ELAVL1: variants seen among roughly 807,000 people sequenced by gnomAD.
The protein encoded by ELAVL1 is ELAV-like protein 1.
ELAVL1 carries 1 observed loss-of-function variant against 28.4 expected under a neutral mutation model. The observed-to-expected ratio is 0.04, with a 90% CI of 0.01 to 0.17. The LOEUF (loss-of-function observed/expected upper bound fraction) is 0.17. Among genes scored for constraint, ELAVL1 ranks in the 10% least tolerant of loss-of-function variants. ELAVL1 has a pLI of 1.00. For missense variants in ELAVL1, 157 were observed against 447.2 expected (o/e 0.35, Z 5.85); for synonymous variants, 174 against 183.5 (o/e 0.95, Z 0.42).
chr19:7,959,452 C>CTT lies in ELAVL1; in HGVS notation c.*4030_*4031insAA, dbSNP rs1568304552. ...GGTCAAAGAGGTGGCCCCAAACCAA[C>CTT]GGAAAAGGCTTCTCTTCTGGTGGAA... On this transcript the variant is annotated 3_prime_UTR_variant, in exon 6 of 6. Transcript: ENST00000407627. 14 of 152,496 alleles carry CTT rather than the reference C, an allele frequency of 9.2e-5. No individual in the cohort carries two copies. Among genetic ancestry groups the CTT allele is most frequent in the Non-Finnish European group, 1.8e-4 (12 of 68,016 alleles). 9.4% of individuals were successfully genotyped at this position (152,496 alleles called of 1,614,324 possible). A position where few individuals can be genotyped will look rare whatever the true frequency, so the allele number is the denominator to read the frequency against.
intron 1 of ELAVL1, chr19:8,002,146 G>A: frequency 1.6e-6 from 2 of 1,285,118 alleles, no homozygotes; most frequent in South Asian, 1.2e-5. Flanking sequence ...AAGAACCCAC[G>A]TGGTTCTTTG....
At chr19:7,971,433 G>A (rs1599666648) in intron 4 of ELAVL1, among the ~76,000 whole-genome samples, 1 of 152,202 alleles carries the variant, frequency 6.6e-6, no homozygotes, top group Admixed American at 6.5e-5. Context: ...TGGTTCCCCC[G>A]GCCCTGGGCC....
Position 7,959,325 on chromosome 19 carries a change from T to G in ELAVL1, c.*4158A>C, listed in dbSNP as rs1033876992. Reference sequence around the variant, plus strand: ...AAATCAATAACTTAAAACACACTAATATACAAAAGGTCTAACCATCTACTG... The same window carrying G: ...AAATCAATAACTTAAAACACACTAAGATACAAAAGGTCTAACCATCTACTG... On this transcript the variant is annotated 3_prime_UTR_variant, in exon 6 of 6. Coordinates refer to ENST00000407627, the MANE Select transcript of ELAVL1 (RefSeq NM_001419.3). 6.6e-6 allele frequency: 1 copy of G among 152,486 alleles called. No homozygotes were observed. The highest frequency in any genetic ancestry group is 2.4e-5 in the African/African-American group (1 of 41,406). 9.4% of individuals were successfully genotyped at this position (152,486 alleles called of 1,614,324 possible).
At chr19:8,002,179 C>T in intron 1 of ELAVL1, 1 of 1,238,086 alleles carries the variant, frequency 8.1e-7, no homozygotes, top group Non-Finnish European at 1.1e-6. Context: ...TCTCTGAACA[C>T]TGCGATGTTC....
intron 2 of ELAVL1, among the ~76,000 whole-genome samples, chr19:7,990,582 G>A (rs2145221818): frequency 6.6e-6 from 1 of 151,622 alleles, no homozygotes; most frequent in African/African-American, 2.4e-5. Flanking sequence ...TGCCCAGGCT[G>A]GTCTTGAACT....
chr19:7,986,368 C>G lies in ELAVL1; in HGVS notation c.173-5182G>C, dbSNP rs572241230. The stretch of plus-strand genomic sequence containing the variant: ...GCAAAGGTCTGCAAAAGAAAAGAAA[C>G]AGGCGAAGGACAAGAAGGGTATTTT... On this transcript the variant is annotated intron_variant, in intron 2 of 5. Coordinates refer to ENST00000407627, the MANE Select transcript of ELAVL1 (RefSeq NM_001419.3). Among the ~76,000 whole-genome samples, 7 of 152,314 alleles carry G rather than the reference C, an allele frequency of 4.6e-5. No homozygotes were observed. The South Asian group carries it at 1.2e-3, about 27-fold the overall frequency.
At chr19:7,965,341 G>A (rs776673269) in intron 5 of ELAVL1, among the ~76,000 whole-genome samples, 7 of 152,228 alleles carry the variant, frequency 4.6e-5, no homozygotes, top group Non-Finnish European at 7.3e-5. Flanking sequence ...CTCCCAAAGC[G>A]TTGGGATTAC....
At position 7,963,189 on chromosome 19, in the gene ELAVL1, G is replaced by A. The variant is rs1215835527; in HGVS notation, c.*294C>T. 5.5e-6 allele frequency: 2 copies of A among 366,024 alleles called. No individual in the cohort carries two copies. The highest frequency in any genetic ancestry group is 3.5e-5 in the South Asian group (1 of 28,224). 22.7% of individuals were successfully genotyped at this position (366,024 alleles called of 1,614,324 possible). ...GTCTTAGAGGTTAAAGCATGCTTCA[G>A]GTTCACCACCATCCAGAGGGACTGG... is the stretch of plus-strand genomic sequence containing the variant. On this transcript the variant is annotated 3_prime_UTR_variant, in exon 6 of 6. Coordinates refer to ENST00000407627, the MANE Select transcript of ELAVL1 (RefSeq NM_001419.3). The surrounding 1 kb of genome is among the most constrained non-coding windows in gnomAD (Gnocchi z 4.5).
chr19:7,998,135 G>A (rs935036107), intron 1 of ELAVL1, among the ~76,000 whole-genome samples: 7 of 152,086 alleles, frequency 4.6e-5, no homozygotes, highest in East Asian at 3.9e-4. Flanking sequence ...GTTTCATGAC[G>A]TTTCTGGGCC....
intron 2 of ELAVL1, among the ~76,000 whole-genome samples, chr19:7,990,911 G>A (rs1198595574): frequency 6.6e-6 from 1 of 152,142 alleles, no homozygotes; most frequent in Non-Finnish European, 1.5e-5. Context: ...TCTCAGAATG[G>A]AGGCCACTCT....
chr19:7,989,102 C>T (rs375285250), intron 2 of ELAVL1, among the ~76,000 whole-genome samples: 49 of 152,242 alleles, frequency 3.2e-4, no homozygotes, highest in African/African-American at 1.2e-3. Flanking sequence ...CGCCGGGGTG[C>T]CTGCCTGGCC....
At chr19:7,988,362 C>A (rs969790608) in intron 2 of ELAVL1, among the ~76,000 whole-genome samples, 1 of 152,052 alleles carries the variant, frequency 6.6e-6, no homozygotes, top group Non-Finnish European at 1.5e-5. Flanking sequence ...GGTGACTCTG[C>A]CCACCGTGAG....
chr19:7,981,311 T>C lies in ELAVL1; in HGVS notation c.173-125A>G. ...GATTACAGGTGCTAGCAAACTTTAT[T>C]TTCTTTGGCAAACACGTACATTTTC... On this transcript the variant is annotated intron_variant, in intron 2 of 5. Transcript: ENST00000407627. This position sits in a 1 kb window ranked among gnomAD's most constrained non-coding sequence, Gnocchi z 4.2. 1 of 824,730 alleles carries C rather than the reference T, an allele frequency of 1.2e-6. No individual in the cohort carries two copies. Among genetic ancestry groups the C allele is most frequent in the Non-Finnish European group, 2.0e-6 (1 of 500,672 alleles). The allele number at this position is 824,730 out of a possible 1,614,324, so 51.1% of individuals were successfully genotyped here.
intron 2 of ELAVL1, among the ~76,000 whole-genome samples, chr19:7,983,421 C>T (rs1473543002): frequency 1.3e-5 from 2 of 152,178 alleles, no homozygotes; most frequent in African/African-American, 2.4e-5. Flanking sequence ...ACTCAGCACA[C>T]GTACAAGCGA....
chr19:8,000,891 T>C (rs2081065575), intron 1 of ELAVL1, among the ~76,000 whole-genome samples: 1 of 152,250 alleles, frequency 6.6e-6, no homozygotes, highest in Non-Finnish European at 1.5e-5. Context: ...ACAGCCCTGC[T>C]AAGGGCTCTG....
intron 1 of ELAVL1, 76 bp from the exon 2 acceptor site, chr19:7,991,907 T>C (rs1156550619): frequency 8.4e-7 from 1 of 1,190,082 alleles, no homozygotes; most frequent in Admixed American, 2.9e-5. Context: ...GTAACTGCAT[T>C]TGCACTTAGA....
intron 1 of ELAVL1, among the ~76,000 whole-genome samples, chr19:8,004,699 T>C (rs1468692625): frequency 6.6e-6 from 1 of 152,130 alleles, no homozygotes; most frequent in Non-Finnish European, 1.5e-5. Context: ...GAACACTTTC[T>C]AGCAAGGGGG....
intron 3 of ELAVL1, among the ~76,000 whole-genome samples, chr19:7,980,156 T>C (rs1266614153): frequency 6.6e-6 from 1 of 152,126 alleles, no homozygotes; most frequent in Admixed American, 6.5e-5. Flanking sequence ...AGAGAGGGGA[T>C]TCTGGCCGGG....
chr19:7,969,676 TG>T (rs1235226333), intron 4 of ELAVL1, among the ~76,000 whole-genome samples: 1 of 152,190 alleles, frequency 6.6e-6, no homozygotes, highest in African/African-American at 2.4e-5. Flanking sequence ...GACTGAGAGC[TG>T]ACGCTGGCCG....
Sources: gnomAD v4.1 joint callset for allele counts (sites outside exome capture counted in the v4.1 genomes callset) on GRCh38, gnomAD v4.1.1 for gene constraint, Gnocchi (gnomAD v3.1) non-coding constraint, MANE v1.5 for transcripts, NCBI Gene and HGNC (gene_info 2026-07-23, HGNC 2026-07-21) for gene names.